The following FOXO1 variants were observed in gnomAD, a reference collection of about 807,000 sequenced individuals.
The protein encoded by FOXO1 is forkhead box protein O1.
In FOXO1, 6 loss-of-function variants were observed where a neutral mutation model predicts 44.1. That is an observed-to-expected ratio of 0.14 (90% CI 0.07 to 0.27). The LOEUF (loss-of-function observed/expected upper bound fraction) is 0.27. Ranked by LOEUF, FOXO1 falls within the 10% of genes least tolerant of loss-of-function variation. The pLI is 1.00. For missense variants in FOXO1, 737 were observed against 888.8 expected (o/e 0.83, Z 2.17); for synonymous variants, 380 against 362.7 (o/e 1.05, Z -0.54).
At chr13:40,600,269 G>A (rs937984961) in intron 1 of FOXO1, among the ~76,000 whole-genome samples, 1 of 152,216 alleles carries the variant, frequency 6.6e-6, no homozygotes, top group African/African-American at 2.4e-5. Context: ...ATGGACACGA[G>A]AGGTGAAGAA....
intron 1 of FOXO1, among the ~76,000 whole-genome samples, chr13:40,608,979 C>G (rs1402813975): frequency 6.6e-6 from 1 of 152,116 alleles, no homozygotes; most frequent in African/African-American, 2.4e-5. Context: ...GTTTTAAAAC[C>G]TTCAGCTGAA....
intron 1 of FOXO1, among the ~76,000 whole-genome samples, chr13:40,663,404 A>G (rs1368015349): frequency 6.6e-6 from 1 of 152,234 alleles, no homozygotes; most frequent in East Asian, 1.9e-4. Context: ...AAATATCCCA[A>G]AACACTTCCT....
Position 40,651,363 on chromosome 13 carries a change from A to G in FOXO1, c.630+14220T>C, listed in dbSNP as rs570370691. ...AAGAAATACCCAGAATTACTGGAAT[A>G]TAATTCCCTAGGAGAACCACTACAG... On this transcript the variant is annotated intron_variant, in intron 1 of 2. Coordinates refer to ENST00000379561, the MANE Select transcript of FOXO1 (RefSeq NM_002015.4). Among the ~76,000 whole-genome samples the G allele has an allele frequency of 2.0e-5, 3 of 152,300 alleles. No individual in the cohort carries two copies. In the East Asian group the frequency reaches 5.8e-4, roughly 29 times the overall value.
intron 1 of FOXO1, among the ~76,000 whole-genome samples, chr13:40,593,431 G>C (rs1271046343): frequency 2.6e-5 from 4 of 152,202 alleles, no homozygotes; most frequent in Non-Finnish European, 4.4e-5. Context: ...CACTTCCAGG[G>C]TTTCAAGCAC....
chr13:40,568,323 T>C (rs1481788964), intron 1 of FOXO1, among the ~76,000 whole-genome samples: 1 of 152,236 alleles, frequency 6.6e-6, no homozygotes, highest in East Asian at 1.9e-4. Context: ...TTCTGTGAAC[T>C]TTCTCAATGT....
At chr13:40,612,767 TATTA>T (rs1876279002) in intron 1 of FOXO1, among the ~76,000 whole-genome samples, 2 of 152,238 alleles carry the variant, frequency 1.3e-5, no homozygotes, top group Non-Finnish European at 2.9e-5. Flanking sequence ...TCTGTTTTAT[TATTA>T]GTTATTGTTG....
chr13:40,665,933 C>T lies in FOXO1; in HGVS notation c.280G>A (p.Val94Met). The stretch of plus-strand genomic sequence containing the variant: ...GCGGCCGCGGCGGCCGCCGCCGCCA[C>T]CGCCGCCGCCACGGAGCCGGGCGCC... The part of the protein sequence containing the change: ...PQAPGSVAAA[V>M]AAAAAAAATG... The change falls in exon 1 of 3, where the codon GTG (valine) becomes ATG (methionine). Residue 94 changes from valine to methionine, a missense_variant. This residue lies in a region of FOXO1 where 213 missense variants were observed against 236.4 expected (regional missense o/e 0.90). Coordinates refer to ENST00000379561, the MANE Select transcript of FOXO1 (RefSeq NM_002015.4). 1 of 1,214,768 alleles carries T rather than the reference C, an allele frequency of 8.2e-7. No homozygotes were observed. The highest frequency in any genetic ancestry group is 1.0e-6 in the Non-Finnish European group (1 of 979,948). The allele number at this position is 1,214,768 out of a possible 1,614,324, so 75.2% of individuals were successfully genotyped here. A position where few individuals can be genotyped will look rare whatever the true frequency, so the allele number is the denominator to read the frequency against.
At chr13:40,611,399 T>C (rs1283021491) in intron 1 of FOXO1, among the ~76,000 whole-genome samples, 1 of 152,220 alleles carries the variant, frequency 6.6e-6, no homozygotes, top group African/African-American at 2.4e-5. Flanking sequence ...CAGTGTGTAT[T>C]TCAGGATATG....
chr13:40,620,382 A>G (rs1876568226), intron 1 of FOXO1: 1 of 688,432 alleles, frequency 1.5e-6, no homozygotes, highest in Non-Finnish European at 2.6e-6. Context: ...GCGGTCACGT[A>G]TTCAAACCTA....
chr13:40,657,640 C>T (rs1302967897), intron 1 of FOXO1, among the ~76,000 whole-genome samples: 1 of 152,080 alleles, frequency 6.6e-6, no homozygotes, highest in African/African-American at 2.4e-5. Flanking sequence ...GGCCCAATCT[C>T]CCATTTTCAA....
At chr13:40,618,718 A>G in intron 1 of FOXO1, 1 of 417,332 alleles carries the variant, frequency 2.4e-6, no homozygotes, top group Non-Finnish European at 4.6e-6. Flanking sequence ...AAGGAAAATA[A>G]GAAAGCCAGG....
chr13:40,563,545 C>A (rs1049912051), intron 1 of FOXO1, among the ~76,000 whole-genome samples: 2 of 152,136 alleles, frequency 1.3e-5, no homozygotes, highest in Admixed American at 1.3e-4. Context: ...CCGGCTGGAA[C>A]GGAGCAGGTG....
At chr13:40,640,758 T>G (rs946083537) in intron 1 of FOXO1, among the ~76,000 whole-genome samples, 9 of 140,530 alleles carry the variant, frequency 6.4e-5, no homozygotes, top group African/African-American at 1.9e-4. Flanking sequence ...TGTTATTTCT[T>G]TTGTTGTTGT....
At chr13:40,621,291 T>C in intron 1 of FOXO1, 1 of 754,922 alleles carries the variant, frequency 1.3e-6, no homozygotes, top group South Asian at 1.9e-5. Context: ...CTCAGAGAAT[T>C]TCACTTGTCC....
At chr13:40,614,346 G>A (rs1296332488) in intron 1 of FOXO1, among the ~76,000 whole-genome samples, 1 of 152,180 alleles carries the variant, frequency 6.6e-6, no homozygotes, top group Non-Finnish European at 1.5e-5. Context: ...GAGCACTGCA[G>A]GGAATAGGAC....
chr13:40,663,212 T>TA (rs979631128), intron 1 of FOXO1, among the ~76,000 whole-genome samples: 289 of 151,382 alleles, frequency 1.9e-3, no homozygotes, highest in African/African-American at 6.7e-3. Flanking sequence ...CAAATAAATT[T>TA]AAAAAAAAAC....
intron 1 of FOXO1, among the ~76,000 whole-genome samples, chr13:40,574,149 A>G (rs1406913691): frequency 1.3e-5 from 2 of 152,194 alleles, no homozygotes; most frequent in Non-Finnish European, 2.9e-5. Flanking sequence ...GTATCCCAGG[A>G]CTTAAAGTAA....
chr13:40,597,482 A>G (rs1875625677), intron 1 of FOXO1, among the ~76,000 whole-genome samples: 1 of 152,330 alleles, frequency 6.6e-6, no homozygotes, highest in Non-Finnish European at 1.5e-5. Context: ...TCCGAGCTGC[A>G]TCCCTAACTG....
intron 1 of FOXO1, among the ~76,000 whole-genome samples, chr13:40,628,141 T>G (rs1876846501): frequency 6.6e-6 from 1 of 152,140 alleles, no homozygotes; most frequent in Non-Finnish European, 1.5e-5. Flanking sequence ...AAGTTTTTTT[T>G]TATTCTTCAA....
Sources: gnomAD v4.1 joint callset for allele counts (sites outside exome capture counted in the v4.1 genomes callset) on GRCh38, gnomAD v4.1.1 for gene constraint, gnomAD v4.1.1 regional missense constraint, MANE v1.5 for transcripts, NCBI Gene and HGNC (gene_info 2026-07-23, HGNC 2026-07-21) for gene names.